Variants in HECW2 observed in about 807,000 individuals in gnomAD.
HECW2 encodes the protein HECT, C2 and WW domain containing E3 ubiquitin protein ligase 2.
HECW2 carries 61 observed loss-of-function variants against 175.2 expected under a neutral mutation model. The ratio of observed to expected loss-of-function variants is 0.35; its 90% CI spans 0.28 to 0.43. The LOEUF (loss-of-function observed/expected upper bound fraction) is 0.43. Ranked by LOEUF, HECW2 falls within the 20% of genes least tolerant of loss-of-function variation. The pLI is 1.00. For synonymous variants in HECW2, 671 were observed against 731.0 expected (o/e 0.92, Z 1.32); for missense variants, 1,524 against 2,000.5 (o/e 0.76, Z 4.54).
intron 1 of HECW2, among the ~76,000 whole-genome samples, chr2:196,534,645 G>A (rs1288872664): frequency 1.3e-5 from 2 of 152,140 alleles, no homozygotes; most frequent in Admixed American, 6.5e-5. Context: ...GACGCAGGAG[G>A]GAGAGCTGGG....
intron 1 of HECW2, among the ~76,000 whole-genome samples, chr2:196,451,965 G>T (rs1696361754): frequency 6.6e-6 from 1 of 152,140 alleles, no homozygotes; most frequent in African/African-American, 2.4e-5. Context: ...GGTCTTCATG[G>T]TGTAGGAAGT....
intron 17 of HECW2, among the ~76,000 whole-genome samples, chr2:196,268,806 G>A (rs1009692879): frequency 1.3e-5 from 2 of 152,170 alleles, no homozygotes; most frequent in Non-Finnish European, 2.9e-5. Flanking sequence ...TTTGTGATTA[G>A]CAAAAGAGGA....
chr2:196,270,002 T>C (rs1008370088), intron 17 of HECW2, among the ~76,000 whole-genome samples: 7 of 152,208 alleles, frequency 4.6e-5, no homozygotes, highest in African/African-American at 1.7e-4. Flanking sequence ...TTTTGTATTA[T>C]ATAAAGCTTC....
At chr2:196,550,155 A>T (rs1371243034) in intron 1 of HECW2, among the ~76,000 whole-genome samples, 1 of 152,172 alleles carries the variant, frequency 6.6e-6, no homozygotes, top group East Asian at 1.9e-4. Flanking sequence ...CTGGAATTGG[A>T]CACTAGTTTG....
At chr2:196,213,024 T>C (rs1687346385) in intron 28 of HECW2, among the ~76,000 whole-genome samples, 1 of 152,226 alleles carries the variant, frequency 6.6e-6, no homozygotes, top group African/African-American at 2.4e-5. Flanking sequence ...TCTGTTCTGA[T>C]GGTAGGAGAA....
intron 2 of HECW2, among the ~76,000 whole-genome samples, chr2:196,347,730 G>A (rs1693010077): frequency 1.3e-5 from 2 of 152,168 alleles, no homozygotes; most frequent in African/African-American, 4.8e-5. Context: ...ACCATCCTTT[G>A]GCCTTCATAA....
At chr2:196,306,422 C>T (rs1333700184) in intron 13 of HECW2, 66 bp downstream of exon 13, 2 of 1,481,196 alleles carry the variant, frequency 1.4e-6, no homozygotes, top group Non-Finnish European at 1.8e-6. Context: ...GCTATTACTA[C>T]AGAAACAACG....
At chr2:196,510,120 C>T (rs1442382408) in intron 1 of HECW2, among the ~76,000 whole-genome samples, 1 of 152,144 alleles carries the variant, frequency 6.6e-6, no homozygotes, top group Non-Finnish European at 1.5e-5. Context: ...CTAGCAAGTG[C>T]CTCCCCCATC....
At chr2:196,342,711 G>A (rs1217916027) in intron 3 of HECW2, among the ~76,000 whole-genome samples, 1 of 152,064 alleles carries the variant, frequency 6.6e-6, no homozygotes, top group Non-Finnish European at 1.5e-5. Context: ...TGATTTTCTG[G>A]TAAGCCGACC....
chr2:196,236,980 T>A (rs1688275728), intron 21 of HECW2, among the ~76,000 whole-genome samples: 1 of 152,152 alleles, frequency 6.6e-6, no homozygotes, highest in African/African-American at 2.4e-5. Flanking sequence ...ATGCTGATTG[T>A]ATGGAAATAT....
chr2:196,428,669 A>G (rs2125260697), intron 2 of HECW2, among the ~76,000 whole-genome samples: 1 of 152,312 alleles, frequency 6.6e-6, no homozygotes, highest in South Asian at 2.1e-4. Flanking sequence ...CAGAATTTTT[A>G]TATCAAAATT....
chr2:196,471,779 C>T (rs1697206807), intron 1 of HECW2, among the ~76,000 whole-genome samples: 1 of 151,910 alleles, frequency 6.6e-6, no homozygotes, highest in Non-Finnish European at 1.5e-5. Flanking sequence ...AACACATGGA[C>T]ACTAAGAGGG....
chr2:196,335,071 G>A (rs991894710), intron 3 of HECW2, among the ~76,000 whole-genome samples: 24 of 152,170 alleles, frequency 1.6e-4, no homozygotes, highest in African/African-American at 5.8e-4. Flanking sequence ...GAAGTATACT[G>A]TAGTAGATTC....
chr2:196,578,567 A>G (rs928891346), intron 1 of HECW2, among the ~76,000 whole-genome samples: 12 of 152,200 alleles, frequency 7.9e-5, no homozygotes, highest in Non-Finnish European at 1.5e-5. Flanking sequence ...GGTACATCAT[A>G]GTCAAAATGT....
chr2:196,453,103 G>C (rs573463519), intron 1 of HECW2, among the ~76,000 whole-genome samples: 265 of 152,276 alleles, frequency 1.7e-3, no homozygotes, highest in African/African-American at 5.9e-3. Flanking sequence ...TCTGCCTACA[G>C]AGACCATGTA....
chr2:196,557,067 T>C (rs1387882879), intron 1 of HECW2, among the ~76,000 whole-genome samples: 1 of 152,112 alleles, frequency 6.6e-6, no homozygotes, highest in Non-Finnish European at 1.5e-5. Flanking sequence ...TACATAAAAA[T>C]GGTATTTTTT....
chr2:196,522,186 G>A (rs1688425072), intron 1 of HECW2, among the ~76,000 whole-genome samples: 1 of 152,028 alleles, frequency 6.6e-6, no homozygotes, highest in Admixed American at 6.5e-5. Flanking sequence ...TAACTGGTGT[G>A]AGACGGTATC....
intron 1 of HECW2, among the ~76,000 whole-genome samples, chr2:196,485,736 T>C (rs1306753033): frequency 1.3e-5 from 2 of 151,928 alleles, no homozygotes; most frequent in Admixed American, 6.6e-5. Flanking sequence ...AGAGACATGA[T>C]CATAAGGAAA....
chr2:196,208,436 G>A (rs1020486399), intron 28 of HECW2, among the ~76,000 whole-genome samples: 10 of 152,226 alleles, frequency 6.6e-5, no homozygotes, highest in Admixed American at 2.6e-4. Flanking sequence ...TAGGAGCAAA[G>A]CCATGTTTAA....
Sources: gnomAD v4.1 joint callset for allele counts (sites outside exome capture counted in the v4.1 genomes callset) on GRCh38, gnomAD v4.1.1 for gene constraint, MANE v1.5 for transcripts, NCBI Gene and HGNC (gene_info 2026-07-23, HGNC 2026-07-21) for gene names.